The following GRIK2 variants were observed in gnomAD, a reference collection of about 807,000 sequenced individuals.
GRIK2 encodes glutamate receptor ionotropic, kainate 2.
GRIK2 carries 32 observed loss-of-function variants against 100.3 expected under a neutral mutation model. The observed-to-expected ratio is 0.32, with a 90% confidence interval of 0.24 to 0.43. GRIK2 has a LOEUF of 0.43. GRIK2 is among the 20% of genes least tolerant of loss of function. The pLI, the probability that GRIK2 is intolerant of heterozygous loss-of-function variation, is 1.00. For missense variants in GRIK2, 843 were observed against 1,114.9 expected, an observed-to-expected ratio of 0.76 and a Z score of 3.47; for synonymous variants, 417 against 389.4, an observed-to-expected ratio of 1.07 and a Z score of -0.83.
intron 10 of GRIK2, among the ~76,000 whole-genome samples, chr6:101,856,709 G>A (rs1023113074): frequency 2.2e-4 from 34 of 152,214 alleles, no homozygotes; most frequent in African/African-American, 7.7e-4. Flanking sequence ...TTATGTGATC[G>A]AAGAGCACAG....
chr6:101,731,833 A>G (rs985474435), intron 7 of GRIK2, among the ~76,000 whole-genome samples: 1 of 151,984 alleles, frequency 6.6e-6, no homozygotes, highest in Non-Finnish European at 1.5e-5. Flanking sequence ...GTTACCTACA[A>G]TTTACAGAAT....
At chr6:101,495,379 A>G (rs1260042257) in intron 2 of GRIK2, among the ~76,000 whole-genome samples, 1 of 151,820 alleles carries the variant, frequency 6.6e-6, no homozygotes, top group African/African-American at 2.4e-5. Flanking sequence ...GGTGGCGGGC[A>G]CCTGTAGTCC....
At chr6:101,753,672 G>GA (rs201664161) in intron 7 of GRIK2, among the ~76,000 whole-genome samples, 1,592 of 151,162 alleles carry the variant, frequency 0.011, 24 homozygotes, top group African/African-American at 0.035. Context: ...GACAAAAAAA[G>GA]AAAAAAAAGG....
intron 2 of GRIK2, among the ~76,000 whole-genome samples, chr6:101,581,205 C>CAT (rs1778071708): frequency 6.8e-6 from 1 of 146,496 alleles, no homozygotes; most frequent in Non-Finnish European, 1.5e-5. Context: ...TATATATACG[C>CAT]ATATATATAC....
intron 14 of GRIK2, among the ~76,000 whole-genome samples, chr6:102,034,735 T>C (rs1770173846): frequency 6.6e-6 from 1 of 151,454 alleles, no homozygotes; most frequent in South Asian, 2.1e-4. Context: ...CTTAAAGAAG[T>C]ACTGAGGTGA....
chr6:101,911,071 C>A (rs964060949), intron 12 of GRIK2, among the ~76,000 whole-genome samples: 7 of 151,220 alleles, frequency 4.6e-5, no homozygotes, highest in African/African-American at 1.7e-4. Context: ...AATGTAAGGG[C>A]TGTTTTGTCT....
intron 2 of GRIK2, among the ~76,000 whole-genome samples, chr6:101,506,766 G>T (rs1774045405): frequency 6.6e-6 from 1 of 152,012 alleles, no homozygotes; most frequent in Non-Finnish European, 1.5e-5. Context: ...ATATTTTGTG[G>T]GATCTGTGAA....
intron 10 of GRIK2, among the ~76,000 whole-genome samples, chr6:101,847,984 G>A (rs1402081336): frequency 2.0e-5 from 3 of 152,068 alleles, no homozygotes; most frequent in African/African-American, 7.2e-5. Context: ...TTCAGCCTTA[G>A]GGAAGCTCCT....
chr6:101,768,343 T>G (rs1304019519), intron 7 of GRIK2, among the ~76,000 whole-genome samples: 1 of 152,196 alleles, frequency 6.6e-6, no homozygotes, highest in Non-Finnish European at 1.5e-5. Context: ...CAAGTCAAAC[T>G]ACAATGTCCC....
intron 10 of GRIK2, among the ~76,000 whole-genome samples, chr6:101,819,640 T>C (rs946268542): frequency 2.6e-5 from 4 of 152,160 alleles, no homozygotes; most frequent in African/African-American, 9.6e-5. Context: ...AGCCCTCTTC[T>C]TCAGTCAAAA....
intron 2 of GRIK2, among the ~76,000 whole-genome samples, chr6:101,540,402 G>A (rs977726931): frequency 6.6e-6 from 1 of 151,742 alleles, no homozygotes; most frequent in African/African-American, 2.4e-5. Context: ...TGTGTATTTG[G>A]ACTGTTTGTA....
chr6:101,793,002 G>A (rs1182003971), intron 7 of GRIK2, among the ~76,000 whole-genome samples: 1 of 151,996 alleles, frequency 6.6e-6, no homozygotes, highest in Non-Finnish European at 1.5e-5. Context: ...GATCGCATCG[G>A]CTCCTGAGGC....
chr6:101,732,125 T>C (rs1372779662), intron 7 of GRIK2, among the ~76,000 whole-genome samples: 2 of 151,936 alleles, frequency 1.3e-5, no homozygotes, highest in Admixed American at 1.3e-4. Context: ...TTTTTTTTCC[T>C]AGTGTGATAA....
intron 14 of GRIK2, among the ~76,000 whole-genome samples, chr6:102,012,604 G>A (rs1162094670): frequency 1.3e-5 from 2 of 152,070 alleles, no homozygotes; most frequent in African/African-American, 4.8e-5. Flanking sequence ...ATTTTGGAGG[G>A]TCCTAATGCA....
chr6:101,440,972 A>ATTT (rs570045381), intron 2 of GRIK2, among the ~76,000 whole-genome samples: 29 of 135,990 alleles, frequency 2.1e-4, no homozygotes, highest in African/African-American at 7.3e-4. Context: ...GCAGGCCTGA[A>ATTT]TTTTTTTTTT....
At chr6:101,666,893 G>A (rs1303834062) in intron 4 of GRIK2, among the ~76,000 whole-genome samples, 1 of 152,132 alleles carries the variant, frequency 6.6e-6, no homozygotes, top group East Asian at 1.9e-4. Context: ...AGGAAAAGCA[G>A]TTAACAGAAC....
intron 2 of GRIK2, among the ~76,000 whole-genome samples, chr6:101,429,466 G>C (rs541294215): frequency 6.6e-6 from 1 of 152,260 alleles, no homozygotes; most frequent in African/African-American, 2.4e-5. Context: ...AAGGGCTTCA[G>C]AGCTCTGATC....
At chr6:101,577,460 A>T (rs1452412606) in intron 2 of GRIK2, among the ~76,000 whole-genome samples, 2 of 152,060 alleles carry the variant, frequency 1.3e-5, no homozygotes, top group East Asian at 3.9e-4. Flanking sequence ...CAGAAACCAT[A>T]TTTTTTCTTC....
At chr6:101,480,599 A>G (rs1468499072) in intron 2 of GRIK2, among the ~76,000 whole-genome samples, 4 of 152,186 alleles carry the variant, frequency 2.6e-5, no homozygotes, top group Non-Finnish European at 1.5e-5. Flanking sequence ...CCAGACAAAG[A>G]AAATTTCCTC....
Sources: gnomAD v4.1 joint callset for allele counts (sites outside exome capture counted in the v4.1 genomes callset) on GRCh38, gnomAD v4.1.1 for gene constraint, MANE v1.5 for transcripts, NCBI Gene and HGNC (gene_info 2026-07-23, HGNC 2026-07-21) for gene names.